Variants in ABCA12 observed in about 807,000 individuals in gnomAD.
The protein encoded by ABCA12 is ATP binding cassette subfamily A member 12.
In ABCA12, 156 loss-of-function variants were observed where a neutral mutation model predicts 293.5. That is an observed-to-expected ratio of 0.53 (90% CI 0.47 to 0.61). The LOEUF (loss-of-function observed/expected upper bound fraction) is 0.61, where lower values mean the gene tolerates loss of function less well. Among genes scored for constraint, ABCA12 ranks in the 20% least tolerant of loss-of-function variants. The probability of loss-of-function intolerance (pLI) is 0.00; values close to 1 mark genes in which losing one functional copy is unlikely to be tolerated. For missense variants in ABCA12, 2,797 were observed against 3,090.2 expected, an observed-to-expected ratio of 0.91 and a Z score of 2.25; for synonymous variants, 1,063 against 1,108.0, an observed-to-expected ratio of 0.96 and a Z score of 0.81.
At chr2:215,079,532 T>C (rs1244265609) in intron 2 of ABCA12, among the ~76,000 whole-genome samples, 2 of 152,262 alleles carry the variant, frequency 1.3e-5, no homozygotes, top group Non-Finnish European at 2.9e-5. Context: ...AGTTTATCAT[T>C]GACTGCTTAG....
At position 214,947,621 on chromosome 2, in the gene ABCA12, G is replaced by GA. The variant is rs1035111041; in HGVS notation, c.7105-66dup. The GA allele has an allele frequency of 8.1e-3, 10,751 of 1,333,206 alleles. 38 individuals are homozygous for GA. Among genetic ancestry groups the GA allele is most frequent in the African/African-American group, 0.035 (2,290 of 65,032 alleles). The allele number at this position is 1,333,206 out of a possible 1,614,324, so 82.6% of individuals were successfully genotyped here. A position where few individuals can be genotyped will look rare whatever the true frequency, so the allele number is the denominator to read the frequency against. ...GCCAAAACCCTTAAAGCACTAAATG[G>GA]AAAAAAAAAAGATGCTCATGAAAAG... On this transcript the variant is annotated intron_variant, in intron 47 of 52. Coordinates refer to ENST00000272895, the MANE Select transcript of ABCA12 (RefSeq NM_173076.3).
intron 30 of ABCA12, 72 bp downstream of exon 30, chr2:214,982,115 G>A: frequency 1.3e-6 from 2 of 1,533,202 alleles, no homozygotes; most frequent in Non-Finnish European, 1.8e-6. Flanking sequence ...CCCAGCCTCA[G>A]TTTGCTTTTG....
chr2:215,074,005 T>C (rs2106085823), intron 2 of ABCA12, among the ~76,000 whole-genome samples: 1 of 152,356 alleles, frequency 6.6e-6, no homozygotes, highest in East Asian at 1.9e-4. Flanking sequence ...AAAACCTGAA[T>C]AACTTTGGTT....
intron 32 of ABCA12, 69 bp downstream of exon 32, chr2:214,978,735 C>A: frequency 6.6e-7 from 1 of 1,514,290 alleles, no homozygotes; most frequent in South Asian, 1.2e-5. Flanking sequence ...AGAAAAATGG[C>A]ACATATTTCT....
intron 1 of ABCA12, among the ~76,000 whole-genome samples, chr2:215,115,836 G>A (rs1422552319): frequency 2.6e-5 from 4 of 152,208 alleles, no homozygotes; most frequent in African/African-American, 4.8e-5. Context: ...AGTGAGGGAA[G>A]TGGGGCCTTA....
intron 27 of ABCA12, 126 bp downstream of exon 27, chr2:214,987,521 C>T: frequency 8.1e-7 from 1 of 1,233,912 alleles, no homozygotes; most frequent in Non-Finnish European, 1.1e-6. Flanking sequence ...CATGTGTAGA[C>T]ATTTTCATCC....
chr2:215,050,469 C>T (rs530178742), intron 5 of ABCA12, among the ~76,000 whole-genome samples: 1 of 152,142 alleles, frequency 6.6e-6, no homozygotes, highest in African/African-American at 2.4e-5. Context: ...TAATTCAGGC[C>T]AGTCACAGAT....
At chr2:215,008,044 A>C (rs1700292095) in intron 18 of ABCA12, among the ~76,000 whole-genome samples, 198 bp from the exon 19 acceptor site, 1 of 152,214 alleles carries the variant, frequency 6.6e-6, no homozygotes. Context: ...TTCATTTATA[A>C]AAATTCTGGA....
intron 2 of ABCA12, among the ~76,000 whole-genome samples, chr2:215,101,743 A>T (rs943768351): frequency 1.3e-5 from 2 of 152,224 alleles, no homozygotes; most frequent in Non-Finnish European, 2.9e-5. Flanking sequence ...TCTGCATTTA[A>T]AAAATCTGAA....
chr2:214,968,804 A>AT lies in ABCA12; in HGVS notation c.5693dup (p.Tyr1898Ter). ...STANEFVQKR[Y>*]GGWSFGLPLT... is the part of the protein sequence containing the mutation. ...AAGGCAGCCCAAAACTCCAACCTCC[A>AT]TATCTACAGAGAGTAATAAAAATAT... The change falls in exon 38 of 53, where the codon TAT becomes TAAT. Residue 1898 changes from tyrosine to a stop codon, truncating the protein, a stop_gained and frameshift_variant. Coordinates refer to ENST00000272895, the MANE Select transcript of ABCA12 (RefSeq NM_173076.3). LOFTEE classifies it high-confidence loss of function. 1 of 1,612,628 alleles carries AT rather than the reference A, an allele frequency of 6.2e-7. No individual in the cohort carries two copies. The highest frequency in any genetic ancestry group is 8.5e-7 in the Non-Finnish European group (1 of 1,178,750).
intron 8 of ABCA12, among the ~76,000 whole-genome samples, chr2:215,033,908 T>A (rs1044179527): frequency 6.6e-6 from 1 of 151,842 alleles, no homozygotes; most frequent in Non-Finnish European, 1.5e-5. Context: ...GCCACTGCAC[T>A]CCAACCTGGG....
At chr2:215,121,923 C>G (rs1250443360) in intron 1 of ABCA12, among the ~76,000 whole-genome samples, 2 of 152,122 alleles carry the variant, frequency 1.3e-5, no homozygotes, top group Admixed American at 6.6e-5. Flanking sequence ...CATTAAACCT[C>G]TTTTGCTTTA....
Position 214,982,303 on chromosome 2 carries a change from G to A in ABCA12, c.4463C>T (p.Ser1488Phe). The A allele has an allele frequency of 6.2e-7, 1 of 1,614,106 alleles. No individual in the cohort carries two copies. The highest frequency in any genetic ancestry group is 8.5e-7 in the Non-Finnish European group (1 of 1,179,988). ...TCCACCAATGAGAGCTATGGATATA[G>A]ATAACTTCCTCTTCATGCCTCCTGA... ...TLSGGMKRKL[S>F]ISIALIGGSR... is the part of the protein sequence containing the mutation. Residue 1488 changes from serine to phenylalanine, a missense_variant, in exon 30 of 53, where the codon TCT becomes TTT. By Grantham distance (155) the Ser-to-Phe change is radical (BLOSUM62 -2). Around this residue, in one of 3 missense-constraint regions of ABCA12, gnomAD observed 2,130 missense variants for 2,427.0 expected, o/e 0.88. Transcript: ENST00000272895.
chr2:215,122,723 C>T (rs750541763), intron 1 of ABCA12, among the ~76,000 whole-genome samples: 15 of 152,190 alleles, frequency 9.9e-5, no homozygotes, highest in Non-Finnish European at 2.1e-4. Context: ...GGTCAGAAGG[C>T]TGGAATTAGA....
rs1698079280 is a variant in ABCA12 at position 214,932,200 on chromosome 2, G to GTTGT, written c.*430_*433dup. 4.1e-6 allele frequency: 1 copy of GTTGT among 242,702 alleles called. No homozygotes were observed. Among genetic ancestry groups the GTTGT allele is most frequent in the Admixed American group, 5.2e-5 (1 of 19,120 alleles). 15.0% of individuals were successfully genotyped at this position (242,702 alleles called of 1,614,324 possible). A position where few individuals can be genotyped will look rare whatever the true frequency, so the allele number is the denominator to read the frequency against. On this transcript the variant is annotated 3_prime_UTR_variant, in exon 53 of 53. Transcript: ENST00000272895. ...ATGTATTCATGATGATGTTCATTCT[G>GTTGT]TTGTTTTCTGGAAATAAATTATGTT... is the stretch of plus-strand genomic sequence containing the variant.
intron 3 of ABCA12, among the ~76,000 whole-genome samples, chr2:215,060,287 T>G (rs1423150929): frequency 6.6e-6 from 1 of 152,104 alleles, no homozygotes; most frequent in Non-Finnish European, 1.5e-5. Flanking sequence ...CATTTCTGTA[T>G]CTATAGTGAC....
Position 214,947,687 on chromosome 2 carries a change from A to G in ABCA12, c.7105-131T>C, listed in dbSNP as rs143277541. Reference sequence around the variant, plus strand: ...AGAATATATCTGGAAAAAAATGAAAACACTTAAATTCAACATAGATTTTAT... The same window carrying G: ...AGAATATATCTGGAAAAAAATGAAAGCACTTAAATTCAACATAGATTTTAT... On this transcript the variant is annotated intron_variant, in intron 47 of 52. Transcript: ENST00000272895. The G allele has an allele frequency of 1.8e-4, 176 of 994,454 alleles. 1 individual carries two copies. The highest frequency in any genetic ancestry group is 1.7e-3 in the South Asian group (113 of 65,910). 61.6% of individuals were successfully genotyped at this position (994,454 alleles called of 1,614,324 possible). A position where few individuals can be genotyped will look rare whatever the true frequency, so the allele number is the denominator to read the frequency against.
chr2:215,133,245 T>C (rs1443056638), intron 1 of ABCA12, among the ~76,000 whole-genome samples: 3 of 143,778 alleles, frequency 2.1e-5, no homozygotes, highest in Non-Finnish European at 3.0e-5. Flanking sequence ...TTGGCTTGTA[T>C]GAACTCTCAC....
chr2:214,956,503 C>T (rs1477108037), intron 42 of ABCA12, among the ~76,000 whole-genome samples, 160 bp downstream of exon 42: 1 of 152,070 alleles, frequency 6.6e-6, no homozygotes, highest in Non-Finnish European at 1.5e-5. Context: ...TTATACTTTG[C>T]AGTCTATGGA....
Sources: allele counts gnomAD v4.1 joint callset (sites outside exome capture counted in the v4.1 genomes callset), GRCh38; gene constraint gnomAD v4.1.1; regional missense constraint gnomAD v4.1.1; transcripts MANE v1.5; gene names NCBI Gene and HGNC (gene_info 2026-07-23, HGNC 2026-07-21).